The following CHAF1A variants were observed in gnomAD, a reference collection of about 807,000 sequenced individuals.
CHAF1A encodes the protein CAF-1 subunit A.
In CHAF1A, 5 loss-of-function variants were observed where a neutral mutation model predicts 93.2. The observed-to-expected ratio is 0.05, with a 90% CI of 0.03 to 0.11. CHAF1A has a LOEUF of 0.11. Ranked by LOEUF, CHAF1A falls within the 10% of genes least tolerant of loss-of-function variation. The pLI is 1.00. For missense variants in CHAF1A, 1,102 were observed against 1,259.9 expected (o/e 0.87, Z 1.90); for synonymous variants, 504 against 510.3 (o/e 0.99, Z 0.17).
chr19:4,409,057 C>T lies in CHAF1A; in HGVS notation c.258C>T (p.Asp86=), dbSNP rs200402574. 222 of 1,614,200 alleles carry T rather than the reference C, an allele frequency of 1.4e-4. 1 individual carries two copies. The East Asian group carries it at 4.7e-3, about 34-fold the overall frequency. ...ACTGTCATGTGGGTTCTGACATAGACTTTAGACCGAAACTTGTCAACGGGA... is the reference window on the plus strand; with the variant it reads ...ACTGTCATGTGGGTTCTGACATAGATTTTAGACCGAAACTTGTCAACGGGA... The part of the protein sequence containing the change: ...ENNCHVGSDI[D]FRPKLVNGKG... Residue 86 remains aspartate (D), a synonymous_variant, in exon 3 of 15, where the codon GAC becomes GAT. Coordinates refer to ENST00000301280, the MANE Select transcript of CHAF1A (RefSeq NM_005483.3).
At chr19:4,408,033 C>T (rs1034839070) in intron 2 of CHAF1A, among the ~76,000 whole-genome samples, 8 of 149,028 alleles carry the variant, frequency 5.4e-5, no homozygotes, top group Admixed American at 4.0e-4. Flanking sequence ...TTTTTTGAGA[C>T]GAGGTCCCTT....
At chr19:4,427,743 G>A (rs243369) in intron 7 of CHAF1A, among the ~76,000 whole-genome samples, 48,644 of 151,978 alleles carry the variant, frequency 0.32, 8,131 homozygotes, top group East Asian at 0.54. Flanking sequence ...GCATGCCACC[G>A]TGCCCGGCTA....
chr19:4,423,306 C>T lies in CHAF1A; in HGVS notation c.1248-29C>T, dbSNP rs563469309. 201 of 1,613,476 alleles carry T rather than the reference C, an allele frequency of 1.2e-4. 2 individuals are homozygous for T. The South Asian group carries it at 2.0e-3, about 16-fold the overall frequency. ...CCCTTCCAGAGCCAAAGCAAAGAGT[C>T]GGCTGAAATGTCATTTGCTGTCTCA... On this transcript the variant is annotated intron_variant, in intron 5 of 14. Coordinates refer to ENST00000301280, the MANE Select transcript of CHAF1A (RefSeq NM_005483.3).
intron 1 of CHAF1A, among the ~76,000 whole-genome samples, chr19:4,403,749 C>A (rs1973630888): frequency 6.6e-6 from 1 of 152,278 alleles, no homozygotes; most frequent in African/African-American, 2.4e-5. Context: ...GGCTGAAAAT[C>A]ATGGCTGTAG....
In CHAF1A at chr19:4,430,657, G is replaced by C. The variant is rs555266721; in HGVS notation, c.1947+16G>C. The stretch of plus-strand genomic sequence containing the variant: ...TGTGACAGAGGTGAGGGAGTGAAGG[G>C]GGAGGTCACCGGCTCAGCAAAAGTT... On this transcript the variant is annotated intron_variant, in intron 11 of 14. Coordinates refer to ENST00000301280, the MANE Select transcript of CHAF1A (RefSeq NM_005483.3). The C allele has an allele frequency of 6.2e-7, 1 of 1,613,342 alleles. No individual in the cohort carries two copies. The highest frequency in any genetic ancestry group is 2.2e-5 in the East Asian group (1 of 44,852).
At chr19:4,448,348 C>T (rs781312851), downstream of CHAF1A, 63 of 1,609,792 alleles carry the variant, frequency 3.9e-5, no homozygotes, top group East Asian at 1.6e-4. Flanking sequence ...CAGCTTCACC[C>T]GGTCCTGGTC....
chr19:4,447,424 G>T, downstream of CHAF1A: 1 of 1,022,686 alleles, frequency 9.8e-7, no homozygotes, highest in Non-Finnish European at 1.5e-6. Context: ...ACCCTTCACT[G>T]CTTGTGGCTC....
intron 2 of CHAF1A, among the ~76,000 whole-genome samples, chr19:4,407,837 A>G (rs1462577598): frequency 2.6e-5 from 4 of 152,062 alleles, no homozygotes; most frequent in African/African-American, 9.7e-5. Context: ...AATCCCAGCT[A>G]CTTGAGAAGC....
intron 13 of CHAF1A, among the ~76,000 whole-genome samples, chr19:4,437,395 G>A (rs936621555): frequency 7.2e-5 from 11 of 152,080 alleles, no homozygotes; most frequent in Admixed American, 6.6e-4. Context: ...TGTTACCTAG[G>A]CCGGAGTGCA....
chr19:4,432,587 C>T (rs928057116), intron 12 of CHAF1A, among the ~76,000 whole-genome samples: 1 of 151,910 alleles, frequency 6.6e-6, no homozygotes, highest in Admixed American at 6.6e-5. Flanking sequence ...ATGGCAAAAC[C>T]CCATCTCTGC....
At chr19:4,417,857 C>G (rs1474741316) in intron 3 of CHAF1A, among the ~76,000 whole-genome samples, 163 bp from the exon 4 acceptor site, 3 of 152,136 alleles carry the variant, frequency 2.0e-5, no homozygotes, top group African/African-American at 7.2e-5. Flanking sequence ...CTCTTGTTAT[C>G]TAATCCCAGA....
Position 4,413,068 on chromosome 19 carries a change from CTTT to C in CHAF1A, c.960+3313_960+3315del, listed in dbSNP as rs147587843. On this transcript the variant is annotated intron_variant, in intron 3 of 14. Transcript: ENST00000301280. Reference sequence around the variant, plus strand: ...CTTGCTTCATAGTTGGTACCTAACTCTTTTTTATTTTTTATTTTTTTTGAGGCG... The same window carrying C: ...CTTGCTTCATAGTTGGTACCTAACTCTTTATTTTTTATTTTTTTTGAGGCG... Among the ~76,000 whole-genome samples, 458 of 152,068 alleles carry C rather than the reference CTTT, an allele frequency of 3.0e-3. 14 individuals carry two copies. The East Asian group carries it at 0.076, about 25-fold the overall frequency.
chr19:4,408,447 C>G (rs1973724556), intron 2 of CHAF1A, among the ~76,000 whole-genome samples: 1 of 134,858 alleles, frequency 7.4e-6, no homozygotes, highest in African/African-American at 3.0e-5. Context: ...CTGCCTTGGC[C>G]TCCCGCACCC....
At chr19:4,440,763 G>T (rs1471433175) in intron 13 of CHAF1A, among the ~76,000 whole-genome samples, 1 of 151,848 alleles carries the variant, frequency 6.6e-6, no homozygotes, top group Non-Finnish European at 1.5e-5. Context: ...TGCAGCAGGT[G>T]ACTGACTGCT....
At chr19:4,403,396 T>A (rs1973622678) in intron 1 of CHAF1A, among the ~76,000 whole-genome samples, 1 of 152,230 alleles carries the variant, frequency 6.6e-6, no homozygotes, top group Non-Finnish European at 1.5e-5. Context: ...ACCACAGGCC[T>A]CCTGAAACGT....
At chr19:4,430,855 G>A (rs543831661) in intron 11 of CHAF1A, 2 of 557,390 alleles carry the variant, frequency 3.6e-6, no homozygotes, top group Admixed American at 3.1e-5. Context: ...TTGCAAGCGA[G>A]GGGAGCCATA....
downstream of CHAF1A, chr19:4,448,210 A>C (rs1240291036): frequency 9.6e-7 from 1 of 1,041,070 alleles, no homozygotes; most frequent in Admixed American, 2.1e-5. Context: ...CTCCTTCCCA[A>C]CCCACCTCAG....
At chr19:4,441,599 C>T (rs980706850) in intron 13 of CHAF1A, among the ~76,000 whole-genome samples, 1 of 151,596 alleles carries the variant, frequency 6.6e-6, no homozygotes, top group African/African-American at 2.4e-5. Flanking sequence ...CAGAGTGAAA[C>T]TCCCGTCTCA....
At chr19:4,420,075 A>G (rs1382569432) in intron 4 of CHAF1A, among the ~76,000 whole-genome samples, 1 of 152,138 alleles carries the variant, frequency 6.6e-6, no homozygotes, top group African/African-American at 2.4e-5. Context: ...AAGCTACCAG[A>G]GATGTATTGG....
Sources: gnomAD v4.1 joint callset for allele counts (sites outside exome capture counted in the v4.1 genomes callset) on GRCh38, gnomAD v4.1.1 for gene constraint, MANE v1.5 for transcripts, NCBI Gene and HGNC (gene_info 2026-07-23, HGNC 2026-07-21) for gene names.